LPP: variants seen among roughly 807,000 people sequenced by gnomAD.
The protein encoded by LPP is lipoma-preferred partner.
LPP carries 38 observed loss-of-function variants against 60.4 expected under a neutral mutation model. That is an observed-to-expected ratio of 0.63 (90% CI 0.49 to 0.83). LPP has a LOEUF of 0.83. Ranked by LOEUF, LPP falls within the 40% of genes least tolerant of loss-of-function variation. The pLI is 0.00. For synonymous variants in LPP, 328 were observed against 290.8 expected (o/e 1.13, Z -1.30); for missense variants, 902 against 783.6 (o/e 1.15, Z -1.80).
chr3:188,374,853 T>C (rs1774475132), intron 3 of LPP, among the ~76,000 whole-genome samples: 1 of 152,110 alleles, frequency 6.6e-6, no homozygotes, highest in African/African-American at 2.4e-5. Flanking sequence ...TTGTCATAGA[T>C]AGCTCTTATT....
chr3:188,632,931 G>A (rs1176555990), intron 7 of LPP, among the ~76,000 whole-genome samples: 16 of 151,870 alleles, frequency 1.1e-4, no homozygotes, highest in Admixed American at 9.8e-4. Flanking sequence ...TCTCATAGAC[G>A]ACATAGAAGC....
intron 1 of LPP, chr3:188,208,260 C>T (rs1456574435): frequency 6.6e-6 from 1 of 152,218 alleles, no homozygotes; most frequent in African/African-American, 2.4e-5. Context: ...GCCAGACCAG[C>T]TTGCTCTCAG....
intron 5 of LPP, among the ~76,000 whole-genome samples, chr3:188,485,526 G>A (rs1056207747): frequency 1.3e-5 from 2 of 152,076 alleles, no homozygotes; most frequent in Admixed American, 6.5e-5. Context: ...GGCCGGGCGC[G>A]GTGGCTCACG....
chr3:188,561,381 G>A (rs1026657310), intron 6 of LPP, among the ~76,000 whole-genome samples: 3 of 152,006 alleles, frequency 2.0e-5, no homozygotes, highest in African/African-American at 7.2e-5. Context: ...AGAAAATGCC[G>A]TAGTTTTAAT....
At chr3:188,828,631 A>AC (rs1184893645) in intron 9 of LPP, among the ~76,000 whole-genome samples, 10 of 147,860 alleles carry the variant, frequency 6.8e-5, no homozygotes, top group African/African-American at 2.5e-4. Flanking sequence ...AAAAAAAAAA[A>AC]AAAAAAAAAC....
rs1235393238 is a variant in LPP, at chr3:188,887,578, GT to G, written c.*13104del. On this transcript the variant is annotated 3_prime_UTR_variant, in exon 12 of 12. Transcript: ENST00000617246. Reference sequence around the variant, plus strand: ...ACTAATCCTATATACTTTGAGCTTAGTTTTTAGAATTGTGTCAAATACATCA... The same window carrying G: ...ACTAATCCTATATACTTTGAGCTTAGTTTTAGAATTGTGTCAAATACATCA... 4.6e-6 allele frequency: 1 copy of G among 215,554 alleles called. No homozygotes were observed. Among genetic ancestry groups the G allele is most frequent in the Non-Finnish European group, 9.4e-6 (1 of 106,950 alleles). The allele number at this position is 215,554 out of a possible 1,614,324, so 13.4% of individuals were successfully genotyped here. A position where few individuals can be genotyped will look rare whatever the true frequency, so the allele number is the denominator to read the frequency against.
chr3:188,529,408 C>A (rs1411831278), intron 6 of LPP, among the ~76,000 whole-genome samples: 1 of 152,150 alleles, frequency 6.6e-6, no homozygotes, highest in Non-Finnish European at 1.5e-5. Context: ...ATTAGTCAAA[C>A]ATGTGTTGTA....
intron 6 of LPP, among the ~76,000 whole-genome samples, chr3:188,533,937 G>C (rs374912876): frequency 5.3e-5 from 8 of 152,140 alleles, no homozygotes; most frequent in Non-Finnish European, 1.0e-4. Flanking sequence ...TGTGTCATGC[G>C]TAATAAGCAT....
At chr3:188,621,920 G>A (rs191544627) in intron 7 of LPP, among the ~76,000 whole-genome samples, 22 of 152,218 alleles carry the variant, frequency 1.4e-4, no homozygotes, top group African/African-American at 5.1e-4. Flanking sequence ...CTGGCCACCC[G>A]AAGTGCTGGG....
intron 2 of LPP, among the ~76,000 whole-genome samples, chr3:188,293,972 A>T (rs550431974): frequency 6.9e-6 from 1 of 144,774 alleles, no homozygotes; most frequent in Admixed American, 7.3e-5. Context: ...ATGGTGAGGC[A>T]GGAGAATGGC....
chr3:188,361,196 A>G (rs1315818644), intron 3 of LPP, among the ~76,000 whole-genome samples: 1 of 152,208 alleles, frequency 6.6e-6, no homozygotes, highest in Admixed American at 6.5e-5. Flanking sequence ...TATTTATACT[A>G]TAATTTTTCT....
chr3:188,277,514 G>T (rs1475927050), intron 2 of LPP, among the ~76,000 whole-genome samples: 1 of 152,082 alleles, frequency 6.6e-6, no homozygotes, highest in African/African-American at 2.4e-5. Context: ...CTTTATCTGA[G>T]TTTGACTTAA....
chr3:188,311,307 T>TA (rs1476011880), intron 2 of LPP, among the ~76,000 whole-genome samples: 147 of 152,044 alleles, frequency 9.7e-4, no homozygotes, highest in African/African-American at 3.4e-3. Flanking sequence ...ACCCCATTTC[T>TA]ACAAAAAAAT....
At chr3:188,669,832 A>G (rs1443146941) in intron 7 of LPP, among the ~76,000 whole-genome samples, 1 of 152,246 alleles carries the variant, frequency 6.6e-6, no homozygotes, top group Non-Finnish European at 1.5e-5. Context: ...TCTTCACAAT[A>G]GCAAAGACTT....
intron 8 of LPP, among the ~76,000 whole-genome samples, chr3:188,748,654 G>A (rs1727077759): frequency 6.6e-6 from 1 of 151,954 alleles, no homozygotes; most frequent in South Asian, 2.1e-4. Flanking sequence ...ATGGTGACGT[G>A]CGCCTGTAAT....
chr3:188,213,982 A>ACACACACACG (rs1712413977), intron 1 of LPP, among the ~76,000 whole-genome samples: 1 of 151,584 alleles, frequency 6.6e-6, no homozygotes, highest in East Asian at 1.9e-4. Flanking sequence ...ACACACACAC[A>ACACACACACG]CACACACACA....
chr3:188,787,688 G>T (rs573779357), intron 9 of LPP, among the ~76,000 whole-genome samples: 1 of 151,944 alleles, frequency 6.6e-6, no homozygotes, highest in African/African-American at 2.4e-5. Context: ...TCTTCCTATC[G>T]CTGTACACAA....
intron 8 of LPP, among the ~76,000 whole-genome samples, chr3:188,718,514 T>A (rs62291262): frequency 0.057 from 8,682 of 152,334 alleles, 311 homozygotes; most frequent in Non-Finnish European, 0.086. Flanking sequence ...GTTTTCTTAT[T>A]CAAAAGAAAC....
chr3:188,398,354 T>C (rs759805846), intron 3 of LPP, among the ~76,000 whole-genome samples: 2 of 152,216 alleles, frequency 1.3e-5, no homozygotes, highest in African/African-American at 2.4e-5. Flanking sequence ...CTGAGCTAGA[T>C]AGAAAGTACG....
Sources: allele counts gnomAD v4.1 joint callset (sites outside exome capture counted in the v4.1 genomes callset), GRCh38; gene constraint gnomAD v4.1.1; transcripts MANE v1.5; gene names NCBI Gene and HGNC (gene_info 2026-07-23, HGNC 2026-07-21).